Variants in LRRC4C observed in about 807,000 individuals in gnomAD.
LRRC4C encodes the protein leucine rich repeat containing 4C, also known as leucine-rich repeat-containing protein 4C.
A neutral mutation model predicts 33.6 loss-of-function variants in LRRC4C; 5 were observed. The observed-to-expected ratio is 0.15, with a 90% CI of 0.08 to 0.31. The LOEUF (loss-of-function observed/expected upper bound fraction) is 0.31. Among genes scored for constraint, LRRC4C ranks in the 10% least tolerant of loss-of-function variants. The pLI, the probability that LRRC4C is intolerant of heterozygous loss-of-function variation, is 1.00. For missense variants in LRRC4C, 560 were observed against 796.7 expected (o/e 0.70, Z 3.58); for synonymous variants, 329 against 302.0 (o/e 1.09, Z -0.93).
At chr11:40,281,722 C>A (rs1943487471) in intron 4 of LRRC4C, among the ~76,000 whole-genome samples, 1 of 152,090 alleles carries the variant, frequency 6.6e-6, no homozygotes, top group Admixed American at 6.6e-5. Flanking sequence ...GCTGCACGGA[C>A]AATAAGATGT....
At chr11:41,051,520 C>CAAAGAAA (rs1858207987) in intron 1 of LRRC4C, among the ~76,000 whole-genome samples, 1 of 60,288 alleles carries the variant, frequency 1.7e-5, no homozygotes, top group Non-Finnish European at 2.8e-5. Context: ...GGTCTCAAGG[C>CAAAGAAA]AAAAAAAAAA....
chr11:41,026,595 G>T (rs1671574110), intron 1 of LRRC4C, among the ~76,000 whole-genome samples: 1 of 151,284 alleles, frequency 6.6e-6, no homozygotes, highest in African/African-American at 2.4e-5. Flanking sequence ...ATGCCACCGA[G>T]AAATCTTTCA....
chr11:40,246,518 G>C (rs1043473873), intron 4 of LRRC4C, among the ~76,000 whole-genome samples: 7 of 152,128 alleles, frequency 4.6e-5, no homozygotes, highest in African/African-American at 1.7e-4. Context: ...TAACTTAACT[G>C]TGATGAAATT....
At chr11:41,207,333 A>G (rs1042187398) in intron 1 of LRRC4C, among the ~76,000 whole-genome samples, 2 of 152,008 alleles carry the variant, frequency 1.3e-5, no homozygotes, top group African/African-American at 2.4e-5. Flanking sequence ...TAGTCATTAT[A>G]AAGATCCAGG....
intron 2 of LRRC4C, among the ~76,000 whole-genome samples, chr11:40,659,176 G>A (rs1943290019): frequency 6.6e-6 from 1 of 152,216 alleles, no homozygotes; most frequent in Non-Finnish European, 1.5e-5. Context: ...AGTTGTGGCT[G>A]AGCTCAGGCT....
chr11:41,370,736 G>A (rs181478864), intron 1 of LRRC4C, among the ~76,000 whole-genome samples: 2 of 152,180 alleles, frequency 1.3e-5, no homozygotes, highest in African/African-American at 4.8e-5. Flanking sequence ...GAGAGACATG[G>A]TCCCACTATA....
intron 4 of LRRC4C, among the ~76,000 whole-genome samples, chr11:40,256,744 A>G (rs1418159944): frequency 2.0e-5 from 3 of 152,174 alleles, no homozygotes; most frequent in Non-Finnish European, 4.4e-5. Context: ...CAGATGTAGA[A>G]TCTTTCTTAT....
chr11:40,408,833 C>T lies in LRRC4C; in HGVS notation c.-269-89112G>A, dbSNP rs371342646. On this transcript the variant is annotated intron_variant, in intron 3 of 6. Coordinates refer to ENST00000528697, the MANE Select transcript of LRRC4C (RefSeq NM_001258419.2). ...GAATATGTTAAAATTTCTACACTCC[C>T]AAAGCAATATACCAGATTTGATGCA... Among the ~76,000 whole-genome samples, 27 of 151,928 alleles carry T rather than the reference C, an allele frequency of 1.8e-4. No homozygotes were observed. In the East Asian group the frequency reaches 4.4e-3, roughly 25 times the overall value.
chr11:40,922,525 T>C (rs1244887917), intron 2 of LRRC4C, among the ~76,000 whole-genome samples: 1 of 152,140 alleles, frequency 6.6e-6, no homozygotes, highest in Non-Finnish European at 1.5e-5. Context: ...GCACAGTCAT[T>C]CTCTTGTCAA....
intron 1 of LRRC4C, among the ~76,000 whole-genome samples, chr11:41,080,241 G>T (rs893670344): frequency 6.6e-6 from 1 of 151,634 alleles, no homozygotes; most frequent in Non-Finnish European, 1.5e-5. Context: ...TAGAAAAATT[G>T]AGGAACACAG....
At chr11:41,274,850 C>T (rs1218352539) in intron 1 of LRRC4C, among the ~76,000 whole-genome samples, 3 of 152,084 alleles carry the variant, frequency 2.0e-5, no homozygotes, top group Non-Finnish European at 2.9e-5. Context: ...ACGAACCCAC[C>T]GGAAGGAACA....
At chr11:41,407,891 A>C (rs1954302028) in intron 1 of LRRC4C, among the ~76,000 whole-genome samples, 1 of 152,098 alleles carries the variant, frequency 6.6e-6, no homozygotes, top group Non-Finnish European at 1.5e-5. Flanking sequence ...TTCAAAACAC[A>C]TTTTCTCTGG....
intron 4 of LRRC4C, among the ~76,000 whole-genome samples, chr11:40,318,944 T>C (rs1222433980): frequency 1.3e-5 from 2 of 152,186 alleles, no homozygotes; most frequent in African/African-American, 2.4e-5. Context: ...TATTTCTTCT[T>C]AAAGCAGGGA....
chr11:41,254,399 G>A (rs553443446), intron 1 of LRRC4C, among the ~76,000 whole-genome samples: 2 of 152,084 alleles, frequency 1.3e-5, no homozygotes, highest in South Asian at 4.2e-4. Flanking sequence ...TCAAATTCCT[G>A]AAATATTGTT....
chr11:40,585,193 A>G (rs935785136), intron 3 of LRRC4C, among the ~76,000 whole-genome samples: 3 of 152,154 alleles, frequency 2.0e-5, no homozygotes, highest in South Asian at 2.1e-4. Flanking sequence ...AGAATGAAGG[A>G]GCACAGTGTA....
intron 3 of LRRC4C, among the ~76,000 whole-genome samples, chr11:40,340,786 G>A (rs2137007135): frequency 6.6e-6 from 1 of 152,194 alleles, no homozygotes; most frequent in Non-Finnish European, 1.5e-5. Context: ...GTTTATTCTG[G>A]TTCCTGATCA....
At chr11:41,337,312 T>C (rs563629794) in intron 1 of LRRC4C, among the ~76,000 whole-genome samples, 1 of 152,266 alleles carries the variant, frequency 6.6e-6, no homozygotes, top group African/African-American at 2.4e-5. Context: ...TCTCATAGTG[T>C]TGAGATTACA....
intron 1 of LRRC4C, among the ~76,000 whole-genome samples, chr11:41,098,319 T>G (rs972411323): frequency 6.6e-6 from 1 of 152,140 alleles, no homozygotes; most frequent in African/African-American, 2.4e-5. Context: ...ATTCTTTCAT[T>G]GGTCAGATAT....
At chr11:40,247,751 C>T (rs1866467035) in intron 4 of LRRC4C, among the ~76,000 whole-genome samples, 2 of 152,266 alleles carry the variant, frequency 1.3e-5, no homozygotes, top group African/African-American at 4.8e-5. Context: ...GAGGTCATGT[C>T]ACCTTCCAGA....
Sources: gnomAD v4.1 joint callset for allele counts (sites outside exome capture counted in the v4.1 genomes callset) on GRCh38, gnomAD v4.1.1 for gene constraint, MANE v1.5 for transcripts, NCBI Gene and HGNC (gene_info 2026-07-23, HGNC 2026-07-21) for gene names.